Variants in SLC26A7 observed in about 807,000 individuals in gnomAD.
The protein encoded by SLC26A7 is anion exchange transporter.
A neutral mutation model predicts 82.5 loss-of-function variants in SLC26A7; 59 were observed. The ratio of observed to expected loss-of-function variants is 0.72; its 90% CI spans 0.58 to 0.89. SLC26A7 has a LOEUF of 0.89. SLC26A7 is among the 40% of genes least tolerant of loss of function. SLC26A7 has a pLI of 0.00. For missense variants in SLC26A7, 820 were observed against 793.0 expected, an observed-to-expected ratio of 1.03 and a Z score of -0.41; for synonymous variants, 271 against 274.3, an observed-to-expected ratio of 0.99 and a Z score of 0.12.
At chr8:91,384,393 A>G in intron 15 of SLC26A7, among the ~76,000 whole-genome samples, 1 of 152,100 alleles carries the variant, frequency 6.6e-6, no homozygotes, top group Non-Finnish European at 1.5e-5. Context: ...GTCTCCTTGT[A>G]TGACACTGGG....
chr8:91,250,664 A>G (rs1225656960), intron 2 of SLC26A7, among the ~76,000 whole-genome samples: 3 of 152,132 alleles, frequency 2.0e-5, no homozygotes, highest in African/African-American at 7.2e-5. Flanking sequence ...TTTCCTTGGC[A>G]TAGACACTGC....
intron 2 of SLC26A7, among the ~76,000 whole-genome samples, chr8:91,257,703 G>A (rs936863947): frequency 5.9e-5 from 9 of 151,824 alleles, no homozygotes; most frequent in Non-Finnish European, 1.0e-4. Flanking sequence ...TTTTTCATGA[G>A]CTAATCCATT....
At chr8:91,230,458 TG>T (rs1198755374) in intron 2 of SLC26A7, among the ~76,000 whole-genome samples, 3 of 152,218 alleles carry the variant, frequency 2.0e-5, no homozygotes, top group Non-Finnish European at 4.4e-5. Flanking sequence ...TATTCCCACC[TG>T]GGGACTTTCT....
chr8:91,328,042 T>A (rs776896085), intron 5 of SLC26A7, among the ~76,000 whole-genome samples: 42 of 152,124 alleles, frequency 2.8e-4, no homozygotes, highest in Admixed American at 4.6e-4. Flanking sequence ...GAAAGTAATG[T>A]TTTGATTAAT....
At chr8:91,299,698 G>A (rs1413244849) in intron 4 of SLC26A7, among the ~76,000 whole-genome samples, 1 of 152,032 alleles carries the variant, frequency 6.6e-6, no homozygotes, top group Non-Finnish European at 1.5e-5. Context: ...TTTATAGAAT[G>A]GTTTAATGTA....
At chr8:91,274,300 T>G (rs1326625177) in intron 2 of SLC26A7, among the ~76,000 whole-genome samples, 2 of 152,214 alleles carry the variant, frequency 1.3e-5, no homozygotes, top group Non-Finnish European at 1.5e-5. Context: ...CTTAGTCTAT[T>G]TTGTGCTGCT....
chr8:91,390,160 G>T (rs1814918669), intron 16 of SLC26A7, among the ~76,000 whole-genome samples: 1 of 150,594 alleles, frequency 6.6e-6, no homozygotes, highest in Non-Finnish European at 1.5e-5. Context: ...GCCCAGGCTG[G>T]AGTGCAGTGG....
chr8:91,302,079 TTA>T (rs1159904726), intron 4 of SLC26A7, among the ~76,000 whole-genome samples: 3 of 152,060 alleles, frequency 2.0e-5, no homozygotes, highest in Admixed American at 6.5e-5. Flanking sequence ...TTATAATAGT[TTA>T]TGTTACCTAA....
At chr8:91,306,790 A>C (rs1452991510) in intron 4 of SLC26A7, among the ~76,000 whole-genome samples, 1 of 151,136 alleles carries the variant, frequency 6.6e-6, no homozygotes, top group East Asian at 1.9e-4. Context: ...ACTCACAGTA[A>C]CCTGGAACTC....
chr8:91,242,071 G>A (rs1810482303), intron 2 of SLC26A7, among the ~76,000 whole-genome samples: 1 of 152,110 alleles, frequency 6.6e-6, no homozygotes, highest in African/African-American at 2.4e-5. Flanking sequence ...TTTTTCTTCT[G>A]AGTAACACAA....
chr8:91,319,114 C>T (rs1047430762), intron 5 of SLC26A7, among the ~76,000 whole-genome samples: 2 of 151,830 alleles, frequency 1.3e-5, no homozygotes, highest in African/African-American at 4.8e-5. Flanking sequence ...ATTAATGGCT[C>T]GAAGTAACTC....
chr8:91,380,199 T>C (rs1052816186), intron 15 of SLC26A7, among the ~76,000 whole-genome samples: 3 of 152,124 alleles, frequency 2.0e-5, no homozygotes, highest in African/African-American at 7.2e-5. Context: ...TCGGTGGTAG[T>C]ATAAACTCTT....
intron 1 of SLC26A7, among the ~76,000 whole-genome samples, chr8:91,216,726 G>A (rs544372283): frequency 1.3e-5 from 2 of 151,852 alleles, no homozygotes; most frequent in South Asian, 4.2e-4. Flanking sequence ...ATCTAGTTAG[G>A]GAATCAATAT....
At chr8:91,300,413 T>C (rs1812130694) in intron 4 of SLC26A7, among the ~76,000 whole-genome samples, 2 of 152,022 alleles carry the variant, frequency 1.3e-5, no homozygotes, top group Admixed American at 6.6e-5. Flanking sequence ...TTTTTTTTTT[T>C]TTGAGACGGA....
At chr8:91,220,246 C>T (rs578250446) in intron 2 of SLC26A7, among the ~76,000 whole-genome samples, 1 of 152,194 alleles carries the variant, frequency 6.6e-6, no homozygotes, top group African/African-American at 2.4e-5. Context: ...CAAATGAGCT[C>T]ATCAAAAATG....
intron 2 of SLC26A7, among the ~76,000 whole-genome samples, chr8:91,222,196 T>G (rs1256905969): frequency 1.3e-5 from 2 of 152,202 alleles, no homozygotes; most frequent in African/African-American, 4.8e-5. Flanking sequence ...TGTATAGGAA[T>G]GCTTGTGATT....
In SLC26A7 at chr8:91,282,690, C is replaced by T. The variant is rs1479908669; in HGVS notation, c.194-6446C>T. On this transcript the variant is annotated intron_variant, in intron 2 of 18. Transcript: ENST00000276609. ...ACAGAAGGTCTCGTAGGTTCCAGGT[C>T]CTATCACCCTGAATCTCAGGTAAGT... Among the ~76,000 whole-genome samples the T allele has an allele frequency of 5.3e-5, 8 of 152,152 alleles. No homozygotes were observed. The East Asian group carries it at 1.5e-3, about 29-fold the overall frequency.
At chr8:91,394,259 A>C (rs367714093) in intron 18 of SLC26A7, 2 of 1,613,294 alleles carry the variant, frequency 1.2e-6, no homozygotes, top group South Asian at 1.1e-5. Context: ...ATCTTCCAAC[A>C]ATGCCACCGC....
At chr8:91,216,331 G>A (rs1333876570) in intron 1 of SLC26A7, among the ~76,000 whole-genome samples, 1 of 152,050 alleles carries the variant, frequency 6.6e-6, no homozygotes, top group Admixed American at 6.6e-5. Context: ...ATGACACAAG[G>A]GAAATGGCTA....
Sources: allele counts gnomAD v4.1 joint callset (sites outside exome capture counted in the v4.1 genomes callset), GRCh38; gene constraint gnomAD v4.1.1; transcripts MANE v1.5; gene names NCBI Gene and HGNC (gene_info 2026-07-23, HGNC 2026-07-21).